Variants in KAT6B observed in about 807,000 individuals in gnomAD.
KAT6B encodes histone acetyltransferase KAT6B.
In KAT6B, 10 loss-of-function variants were observed where a neutral mutation model predicts 187.5. That is an observed-to-expected ratio of 0.05 (90% CI 0.03 to 0.09). The LOEUF is 0.09. Ranked by LOEUF, KAT6B falls within the 10% of genes least tolerant of loss-of-function variation. The pLI, the probability that KAT6B is intolerant of heterozygous loss-of-function variation, is 1.00. For missense variants in KAT6B, 1,952 were observed against 2,558.9 expected (o/e 0.76, Z 5.12); for synonymous variants, 861 against 926.8 (o/e 0.93, Z 1.29).
At chr10:74,833,134 CAAAAAAAAA>C (rs905808106) in intron 1 of KAT6B, among the ~76,000 whole-genome samples, 4 of 52,300 alleles carry the variant, frequency 7.6e-5, no homozygotes, top group African/African-American at 2.2e-4. Context: ...GACTCTGTCT[CAAAAAAAAA>C]AAAAAAAAAA....
chr10:74,858,990 G>A (rs1842991467), intron 3 of KAT6B, among the ~76,000 whole-genome samples: 1 of 152,190 alleles, frequency 6.6e-6, no homozygotes, highest in African/African-American at 2.4e-5. Context: ...ACCCACCTTG[G>A]CCTCCCAGAG....
In KAT6B at chr10:74,960,156, A is replaced by T. The variant is rs557213596; in HGVS notation, c.730+78A>T. 20 of 972,852 alleles carry T rather than the reference A, an allele frequency of 2.1e-5. 1 individual carries two copies. The South Asian group carries it at 2.3e-4, about 11-fold the overall frequency. The allele number at this position is 972,852 out of a possible 1,614,324, so 60.3% of individuals were successfully genotyped here. A position where few individuals can be genotyped will look rare whatever the true frequency, so the allele number is the denominator to read the frequency against. Reference sequence around the variant, plus strand: ...TCATGCTATTTGTCTCTCTATTAAAACTGTATTGTTATTTAAGGCAGTTAT... The same window carrying T: ...TCATGCTATTTGTCTCTCTATTAAATCTGTATTGTTATTTAAGGCAGTTAT... On this transcript the variant is annotated intron_variant, in intron 4 of 17. Coordinates refer to ENST00000287239, the MANE Select transcript of KAT6B (RefSeq NM_012330.4).
Position 75,031,568 on chromosome 10 carries a change from T to C in KAT6B, c.*522T>C. 4.5e-6 allele frequency: 1 copy of C among 222,140 alleles called. No individual in the cohort carries two copies. The highest frequency in any genetic ancestry group is 6.7e-5 in the East Asian group (1 of 14,978). The allele number at this position is 222,140 out of a possible 1,614,324, so 13.8% of individuals were successfully genotyped here. On this transcript the variant is annotated 3_prime_UTR_variant, in exon 18 of 18. Coordinates refer to ENST00000287239, the MANE Select transcript of KAT6B (RefSeq NM_012330.4). Reference sequence around the variant, plus strand: ...CAAGTGTTGTGCTAACAGTAAGCCATTTCTTAAGTTTTTTGCCTTGATTAG... The same window carrying C: ...CAAGTGTTGTGCTAACAGTAAGCCACTTCTTAAGTTTTTTGCCTTGATTAG...
At chr10:74,999,739 C>T (rs908023614) in intron 13 of KAT6B, among the ~76,000 whole-genome samples, 9 of 152,234 alleles carry the variant, frequency 5.9e-5, no homozygotes, top group Admixed American at 4.6e-4. Context: ...GACCATCTCT[C>T]TTCTGGGACG....
intron 3 of KAT6B, among the ~76,000 whole-genome samples, chr10:74,855,008 G>A (rs1346257741): frequency 1.3e-5 from 2 of 152,138 alleles, no homozygotes; most frequent in African/African-American, 4.8e-5. Context: ...TCTTCCATCT[G>A]TTAGTCCAGT....
At chr10:74,955,595 A>G (rs1035803798) in intron 3 of KAT6B, among the ~76,000 whole-genome samples, 1 of 152,032 alleles carries the variant, frequency 6.6e-6, no homozygotes. Flanking sequence ...TTTCTGAATC[A>G]TTGGAGAGTA....
chr10:74,927,647 C>G (rs774603623), intron 3 of KAT6B, among the ~76,000 whole-genome samples: 12 of 152,084 alleles, frequency 7.9e-5, no homozygotes, highest in African/African-American at 1.2e-4. Context: ...TCCCTCACCC[C>G]TCACGCTTCC....
At chr10:74,972,945 G>A (rs1841940753) in intron 7 of KAT6B, among the ~76,000 whole-genome samples, 1 of 152,198 alleles carries the variant, frequency 6.6e-6, no homozygotes, top group Admixed American at 6.6e-5. Context: ...TACTGGCTGA[G>A]CATTAGAGCT....
chr10:75,021,208 CCAGA>C lies in KAT6B; in HGVS notation c.2948_2951del (p.Asp983ValfsTer2). 1 of 1,614,062 alleles carries C rather than the reference CCAGA, an allele frequency of 6.2e-7. No individual in the cohort carries two copies. On this transcript the variant is annotated frameshift_variant, in exon 15 of 18. Transcript: ENST00000287239. LOFTEE classifies it high-confidence loss of function. ...CTGTTCCAGAGCCAATGAACTTGAT[CCAGA>C]CAGTCTGAGGTGGACCCCAATTTTA... is the stretch of plus-strand genomic sequence containing the variant.
intron 3 of KAT6B, among the ~76,000 whole-genome samples, chr10:74,954,263 A>G (rs1840518259): frequency 6.6e-6 from 1 of 152,246 alleles, no homozygotes; most frequent in South Asian, 2.1e-4. Context: ...TGCGATAGCT[A>G]GAATAATCAA....
chr10:74,905,678 G>A (rs975706035), intron 3 of KAT6B, among the ~76,000 whole-genome samples: 2 of 152,208 alleles, frequency 1.3e-5, no homozygotes, highest in Non-Finnish European at 2.9e-5. Flanking sequence ...GGGCACTAGC[G>A]GTGGATTAAG....
chr10:74,874,838 GTGTGTGTT>G (rs889018072), intron 3 of KAT6B, among the ~76,000 whole-genome samples: 23 of 151,956 alleles, frequency 1.5e-4, no homozygotes, highest in Admixed American at 2.6e-4. Context: ...GTGTATGTGT[GTGTGTGTT>G]TGTGTGTTTA....
At chr10:74,878,376 T>A (rs1424068104) in intron 3 of KAT6B, among the ~76,000 whole-genome samples, 1 of 152,122 alleles carries the variant, frequency 6.6e-6, no homozygotes, top group Non-Finnish European at 1.5e-5. Context: ...GCGGGCTGAC[T>A]GGGTTTGGGG....
chr10:74,982,002 G>A, intron 11 of KAT6B, 74 bp downstream of exon 11: 1 of 1,354,676 alleles, frequency 7.4e-7, no homozygotes. Context: ...GTGCTGATTT[G>A]TGTTTAGAAG....
At chr10:74,988,952 G>A in intron 12 of KAT6B, 67 bp from the exon 13 acceptor site, 1 of 1,048,162 alleles carries the variant, frequency 9.5e-7, no homozygotes, top group Non-Finnish European at 1.5e-6. Context: ...AAGGACAGTG[G>A]CAGGTGCAGG....
At chr10:74,937,216 C>A (rs928132662) in intron 3 of KAT6B, among the ~76,000 whole-genome samples, 1 of 152,082 alleles carries the variant, frequency 6.6e-6, no homozygotes, top group Non-Finnish European at 1.5e-5. Flanking sequence ...CTCTAAAAAG[C>A]GTAAAATGTA....
chr10:74,863,007 G>A (rs558034245), intron 3 of KAT6B, among the ~76,000 whole-genome samples: 8 of 152,262 alleles, frequency 5.3e-5, no homozygotes, highest in African/African-American at 1.9e-4. Flanking sequence ...GTTTCTCTTT[G>A]TGGCTCCTTC....
intron 16 of KAT6B, among the ~76,000 whole-genome samples, chr10:75,022,656 C>T (rs551265149): frequency 3.3e-5 from 5 of 152,182 alleles, no homozygotes; most frequent in Admixed American, 1.3e-4. Flanking sequence ...CTGGGTTGGG[C>T]GCAGTGGCTC....
chr10:75,005,217 C>CT (rs1267005706), intron 13 of KAT6B, among the ~76,000 whole-genome samples: 5,463 of 143,494 alleles, frequency 0.038, 313 homozygotes, highest in African/African-American at 0.12. Context: ...TTTTTTTGTT[C>CT]TTTTTTTTTT....
Sources: gnomAD v4.1 joint callset for allele counts (sites outside exome capture counted in the v4.1 genomes callset) on GRCh38, gnomAD v4.1.1 for gene constraint, MANE v1.5 for transcripts, NCBI Gene and HGNC (gene_info 2026-07-23, HGNC 2026-07-21) for gene names.